FAM78B: variants seen among roughly 807,000 people sequenced by gnomAD.
The protein encoded by FAM78B is protein FAM78B.
A neutral mutation model predicts 20.0 loss-of-function variants in FAM78B; 10 were observed. That is an observed-to-expected ratio of 0.50 (90% CI 0.31 to 0.85). FAM78B has a LOEUF of 0.85. Ranked by LOEUF, FAM78B falls within the 40% of genes least tolerant of loss-of-function variation. The pLI, the probability that FAM78B is intolerant of heterozygous loss-of-function variation, is 0.05. For synonymous variants in FAM78B, 135 were observed against 132.8 expected (o/e 1.02, Z -0.12); for missense variants, 283 against 345.0 (o/e 0.82, Z 1.42).
chr1:166,089,696 G>GAA (rs1652987804), intron 1 of FAM78B, among the ~76,000 whole-genome samples: 1 of 152,026 alleles, frequency 6.6e-6, no homozygotes, highest in Non-Finnish European at 1.5e-5. Context: ...AACTGGCAAG[G>GAA]AAATAAGAGA....
chr1:166,138,719 G>A (rs1655166858), intron 1 of FAM78B, among the ~76,000 whole-genome samples: 1 of 152,162 alleles, frequency 6.6e-6, no homozygotes, highest in Non-Finnish European at 1.5e-5. Flanking sequence ...GGTCCAAGAA[G>A]CTCCTCTCCA....
chr1:166,159,202 G>C (rs976723406), intron 1 of FAM78B, among the ~76,000 whole-genome samples: 4 of 152,322 alleles, frequency 2.6e-5, no homozygotes, highest in Middle Eastern at 3.4e-3. Flanking sequence ...TGATATGAAT[G>C]GAGGGCTGAC....
intron 1 of FAM78B, among the ~76,000 whole-genome samples, chr1:166,093,355 A>G (rs112427176): frequency 0.023 from 3,529 of 152,236 alleles, 62 homozygotes; most frequent in Non-Finnish European, 0.032. Flanking sequence ...TTAAATCCTC[A>G]TCTCCAAGCA....
At chr1:166,153,203 C>A (rs1283602533) in intron 1 of FAM78B, among the ~76,000 whole-genome samples, 1 of 152,190 alleles carries the variant, frequency 6.6e-6, no homozygotes, top group African/African-American at 2.4e-5. Context: ...GGGTGGAGAA[C>A]AGCTTTGCTC....
chr1:166,084,964 T>C (rs1196012677), intron 1 of FAM78B, among the ~76,000 whole-genome samples: 1 of 152,210 alleles, frequency 6.6e-6, no homozygotes, highest in Non-Finnish European at 1.5e-5. Context: ...TTTCTTCTTA[T>C]TTTTTTCCCT....
At chr1:166,125,859 G>A (rs1174662465) in intron 1 of FAM78B, among the ~76,000 whole-genome samples, 2 of 135,670 alleles carry the variant, frequency 1.5e-5, no homozygotes, top group African/African-American at 2.8e-5. Flanking sequence ...TTGAGACTGC[G>A]TCTTGCTCTG....
chr1:166,060,462 A>G (rs764533540), exon 3 of FAM78B: 5 of 540,352 alleles, frequency 9.3e-6, no homozygotes, highest in Non-Finnish European at 1.6e-5. Context: ...CAAGTGCCAC[A>G]TGGCTCGTGG....
intron 1 of FAM78B, among the ~76,000 whole-genome samples, chr1:166,126,387 G>A (rs1654642732): frequency 6.6e-6 from 1 of 152,188 alleles, no homozygotes; most frequent in East Asian, 1.9e-4. Context: ...TAAATGAGTA[G>A]TAAACTACAA....
At chr1:166,092,879 C>T (rs11590682) in intron 1 of FAM78B, among the ~76,000 whole-genome samples, 1,910 of 152,196 alleles carry the variant, frequency 0.013, 29 homozygotes, top group Non-Finnish European at 0.021. Context: ...TTAAATCCTC[C>T]CAACAATGTT....
chr1:166,115,308 T>C (rs886406750), intron 1 of FAM78B, among the ~76,000 whole-genome samples: 3 of 152,206 alleles, frequency 2.0e-5, no homozygotes, highest in African/African-American at 4.8e-5. Flanking sequence ...TGTTGTCACA[T>C]TGTCATTTTA....
chr1:166,064,446 C>G (rs1325910294), downstream of FAM78B, among the ~76,000 whole-genome samples: 1 of 152,138 alleles, frequency 6.6e-6, no homozygotes, highest in African/African-American at 2.4e-5. Context: ...GCTGGGATTT[C>G]AAGTCTGGCC....
intron 1 of FAM78B, among the ~76,000 whole-genome samples, chr1:166,143,732 G>C (rs1557915952): frequency 6.6e-6 from 1 of 152,102 alleles, no homozygotes; most frequent in African/African-American, 2.4e-5. Flanking sequence ...GTGGGGTGGA[G>C]AGGGAAGCAG....
intron 1 of FAM78B, among the ~76,000 whole-genome samples, chr1:166,079,070 T>C (rs1241853861): frequency 6.6e-6 from 1 of 151,952 alleles, no homozygotes; most frequent in Non-Finnish European, 1.5e-5. Flanking sequence ...TAGCTGGGAC[T>C]ACAGGCATGC....
chr1:166,100,478 C>G (rs528600866), intron 1 of FAM78B, among the ~76,000 whole-genome samples: 1 of 152,192 alleles, frequency 6.6e-6, no homozygotes, highest in African/African-American at 2.4e-5. Flanking sequence ...CCTGGAAAAT[C>G]GGGTCCCTCC....
chr1:166,093,681 A>G (rs535903641), intron 1 of FAM78B, among the ~76,000 whole-genome samples: 1 of 152,358 alleles, frequency 6.6e-6, no homozygotes, highest in Admixed American at 6.5e-5. Flanking sequence ...TGCAGAATAA[A>G]AGAATTCTGA....
At chr1:166,059,050 G>T (rs1385522328) in exon 3 of FAM78B, 1 of 152,766 alleles carries the variant, frequency 6.5e-6, no homozygotes, top group Non-Finnish European at 1.5e-5. Context: ...TCAAGACTGG[G>T]GCTTGGAGAC....
At chr1:166,136,054 T>G (rs964337072) in intron 1 of FAM78B, among the ~76,000 whole-genome samples, 9 of 152,196 alleles carry the variant, frequency 5.9e-5, no homozygotes, top group South Asian at 2.1e-4. Flanking sequence ...CTAACTTTTT[T>G]CAAACAGTTC....
chr1:166,075,423 T>TTGTG (rs149448084), intron 1 of FAM78B, among the ~76,000 whole-genome samples: 1 of 151,720 alleles, frequency 6.6e-6, no homozygotes, highest in Non-Finnish European at 1.5e-5. Context: ...GTATGGCTGA[T>TTGTG]TGTGTGTGTG....
intron 1 of FAM78B, among the ~76,000 whole-genome samples, chr1:166,076,630 T>C (rs538012789): frequency 6.5e-4 from 99 of 152,306 alleles, no homozygotes; most frequent in Non-Finnish European, 1.4e-3. Context: ...TCTCCAAATA[T>C]AATCCCTAAG....
Sources: allele counts gnomAD v4.1 joint callset (sites outside exome capture counted in the v4.1 genomes callset), GRCh38; gene constraint gnomAD v4.1.1; transcripts MANE v1.5; gene names NCBI Gene and HGNC (gene_info 2026-07-23, HGNC 2026-07-21).